Variants in THSD7B observed in about 807,000 individuals in gnomAD.
THSD7B encodes the protein thrombospondin type-1 domain-containing protein 7B.
Under a neutral mutation model 213.6 loss-of-function variants are expected in THSD7B, and 138 were observed. That is an observed-to-expected ratio of 0.65 (90% CI 0.56 to 0.74). The LOEUF is 0.74. THSD7B is among the 30% of genes least tolerant of loss of function. The probability of loss-of-function intolerance (pLI) is 0.00; values close to 1 mark genes in which losing one functional copy is unlikely to be tolerated. For missense variants in THSD7B, 1,931 were observed against 1,991.5 expected (o/e 0.97, Z 0.58); for synonymous variants, 742 against 687.0 (o/e 1.08, Z -1.25).
rs544448504 is a variant in THSD7B, at chr2:136,844,662, C to T, written c.-35-37482C>T. 7.9e-5 allele frequency among the ~76,000 whole-genome samples: 12 copies of T among 152,300 alleles called. No individual in the cohort carries two copies. In the East Asian group the frequency reaches 1.7e-3, roughly 22 times the overall value. ...CATAGGTGATGACTATTGAGGCAGACGTGGAGATGGAGATGAGCTCTCCTT... is the reference window on the plus strand; with the variant it reads ...CATAGGTGATGACTATTGAGGCAGATGTGGAGATGGAGATGAGCTCTCCTT... On this transcript the variant is annotated intron_variant, in intron 1 of 27. Transcript: ENST00000409968.
chr2:137,414,433 T>C (rs1222516678), intron 14 of THSD7B, among the ~76,000 whole-genome samples: 5 of 152,030 alleles, frequency 3.3e-5, no homozygotes, highest in Middle Eastern at 3.2e-3. Flanking sequence ...CATCCATGAA[T>C]TGGGGTATGG....
At chr2:137,209,415 C>T (rs555344776) in intron 7 of THSD7B, among the ~76,000 whole-genome samples, 1 of 152,134 alleles carries the variant, frequency 6.6e-6, no homozygotes, top group South Asian at 2.1e-4. Flanking sequence ...AATGGATTGA[C>T]TTCATTCTTT....
chr2:137,526,478 G>C (rs896170254), intron 15 of THSD7B, among the ~76,000 whole-genome samples: 4 of 152,068 alleles, frequency 2.6e-5, no homozygotes, highest in African/African-American at 9.7e-5. Context: ...CTGGAGTGCA[G>C]TGGTGCAATC....
intron 12 of THSD7B, among the ~76,000 whole-genome samples, chr2:137,330,701 G>A (rs767706267): frequency 3.3e-5 from 5 of 152,050 alleles, no homozygotes; most frequent in Middle Eastern, 3.4e-3. Flanking sequence ...TGAGTGTTAC[G>A]GCTCATAAAA....
chr2:137,080,929 A>G (rs1178386461), intron 3 of THSD7B, among the ~76,000 whole-genome samples: 19 of 152,300 alleles, frequency 1.2e-4, no homozygotes, highest in Admixed American at 1.1e-3. Context: ...GAAAATCACA[A>G]TATACAGTGT....
At position 137,202,397 on chromosome 2, in the gene THSD7B, G is replaced by A. The variant is rs376006431; in HGVS notation, c.1724-28647G>A. On this transcript the variant is annotated intron_variant, in intron 7 of 27. Transcript: ENST00000409968. ...TCCCAAGTGTCCTCATAAGAAGGAG[G>A]CAAAGAAGACAGACACCCAGAAGAG... 1.1e-3 allele frequency among the ~76,000 whole-genome samples: 161 copies of A among 152,214 alleles called. 1 individual carries two copies. Among genetic ancestry groups the A allele is most frequent in the African/African-American group, 3.6e-3 (151 of 41,536 alleles).
In THSD7B at chr2:137,405,691, T is replaced by C. The variant is rs745968152; in HGVS notation, c.2579T>C (p.Leu860Pro). Residue 860 changes from leucine to proline, a missense_variant, in exon 13 of 28, where the codon CTT becomes CCT. Physicochemically the swap from Leu to Pro is moderately conservative, Grantham distance 98. Transcript: ENST00000409968. ...AAGCAGACAAACGGCATGCCTCTCC[T>C]TGTGCAAGAATGCACAGTCCCATGT... ...CLKQTNGMPL[L>P]VQECTVPCRE... 1 of 1,613,746 alleles carries C rather than the reference T, an allele frequency of 6.2e-7. No individual in the cohort carries two copies. Among genetic ancestry groups the C allele is most frequent in the Non-Finnish European group, 8.5e-7 (1 of 1,179,792 alleles).
At chr2:136,852,526 A>C (rs1302845390) in intron 1 of THSD7B, among the ~76,000 whole-genome samples, 2 of 152,192 alleles carry the variant, frequency 1.3e-5, no homozygotes, top group South Asian at 2.1e-4. Context: ...TGGTTGAGCC[A>C]CACCAAACTG....
intron 15 of THSD7B, among the ~76,000 whole-genome samples, chr2:137,485,218 C>A: frequency 7.4e-6 from 1 of 134,496 alleles, no homozygotes; most frequent in East Asian, 2.2e-4. Flanking sequence ...AGGAAGGGAT[C>A]CAGTTTCAGC....
chr2:137,140,343 A>G (rs1004888500), intron 5 of THSD7B, among the ~76,000 whole-genome samples: 1 of 152,200 alleles, frequency 6.6e-6, no homozygotes, highest in South Asian at 2.1e-4. Context: ...TGTTTTTCTT[A>G]TAACAAACGA....
At chr2:136,805,757 C>A (rs915501780) in intron 1 of THSD7B, among the ~76,000 whole-genome samples, 2 of 152,084 alleles carry the variant, frequency 1.3e-5, no homozygotes, top group Non-Finnish European at 2.9e-5. Context: ...ATGGTTTTGT[C>A]CTTGCAGAGT....
At position 137,552,201 on chromosome 2, in the gene THSD7B, C is replaced by CT. The variant is rs904389420; in HGVS notation, c.3139-11011dup. On this transcript the variant is annotated intron_variant, in intron 15 of 27. Transcript: ENST00000409968. ...GACTAAGAATAAATTGCTTTTGTGG[C>CT]TTTTTTTTTCTATATAAAATAACAG... Among the ~76,000 whole-genome samples the CT allele has an allele frequency of 6.1e-4, 93 of 151,436 alleles. 1 individual carries two copies. The highest frequency in any genetic ancestry group is 3.4e-3 in the Middle Eastern group (1 of 292).
At chr2:137,132,604 A>C (rs1688758614) in intron 5 of THSD7B, among the ~76,000 whole-genome samples, 1 of 152,172 alleles carries the variant, frequency 6.6e-6, no homozygotes, top group Admixed American at 6.5e-5. Context: ...TAACCTTAGC[A>C]CTATTGCTGT....
intron 12 of THSD7B, among the ~76,000 whole-genome samples, chr2:137,283,779 T>C (rs867977829): frequency 4.6e-5 from 7 of 152,276 alleles, no homozygotes; most frequent in Admixed American, 1.3e-4. Flanking sequence ...AGCTTTTTGA[T>C]GTGTTGCTGG....
chr2:137,450,030 T>C lies in THSD7B; in HGVS notation c.2960-815T>C, dbSNP rs139903696. Among the ~76,000 whole-genome samples, 3 of 152,190 alleles carry C rather than the reference T, an allele frequency of 2.0e-5. No homozygotes were observed. In the East Asian group the frequency reaches 5.8e-4, roughly 30 times the overall value. ...GAAAGGAACACAAGAGAAGTATAAT[T>C]TTTTAGGAAATTGATGGCCTCAGTT... On this transcript the variant is annotated intron_variant, in intron 14 of 27. Transcript: ENST00000409968.
intron 20 of THSD7B, among the ~76,000 whole-genome samples, chr2:137,635,786 C>A (rs886396762): frequency 2.6e-5 from 4 of 151,804 alleles, no homozygotes; most frequent in South Asian, 4.2e-4. Context: ...CTCACTGCAA[C>A]CTCTGCCTTC....
chr2:137,268,922 A>G (rs1258707353), intron 10 of THSD7B, among the ~76,000 whole-genome samples: 1 of 152,172 alleles, frequency 6.6e-6, no homozygotes, highest in African/African-American at 2.4e-5. Flanking sequence ...GTTGTGTGCA[A>G]AGGAGTCTGC....
At chr2:136,969,505 G>A (rs557842884) in intron 2 of THSD7B, among the ~76,000 whole-genome samples, 7 of 152,224 alleles carry the variant, frequency 4.6e-5, no homozygotes, top group East Asian at 3.9e-4. Context: ...GTAGAATCTC[G>A]AAAATATTTT....
At chr2:137,637,672 T>C (rs916686882) in intron 20 of THSD7B, among the ~76,000 whole-genome samples, 2 of 152,250 alleles carry the variant, frequency 1.3e-5, no homozygotes, top group Non-Finnish European at 2.9e-5. Flanking sequence ...TTTTTTTCTT[T>C]TGCATTTATT....
Sources: gnomAD v4.1 joint callset for allele counts (sites outside exome capture counted in the v4.1 genomes callset) on GRCh38, gnomAD v4.1.1 for gene constraint, MANE v1.5 for transcripts, NCBI Gene and HGNC (gene_info 2026-07-23, HGNC 2026-07-21) for gene names.